Variants in CDHR5 observed in about 807,000 individuals in gnomAD.
The protein encoded by CDHR5 is cadherin related family member 5.
CDHR5 carries 82 observed loss-of-function variants against 69.5 expected under a neutral mutation model. The observed-to-expected ratio is 1.18, with a 90% CI of 0.99 to 1.42. The LOEUF (loss-of-function observed/expected upper bound fraction) is 1.42, where lower values mean the gene tolerates loss of function less well. Among genes scored for constraint, CDHR5 ranks in the 40% most tolerant of loss-of-function variants. CDHR5 has a pLI of 0.00. For missense variants in CDHR5, 1,293 were observed against 1,168.9 expected (o/e 1.11, Z -1.55); for synonymous variants, 601 against 510.2 (o/e 1.18, Z -2.40).
chr11:618,691 T>C lies in CDHR5; in HGVS notation c.1868A>G (p.His623Arg). 6.3e-7 allele frequency: 1 copy of C among 1,588,008 alleles called. No homozygotes were observed. The highest frequency in any genetic ancestry group is 1.4e-5 in the African/African-American group (1 of 71,814). The change falls in exon 13 of 15, where the codon CAC (histidine) becomes CGC (arginine). Residue 623 changes from histidine (H) to arginine (R), a missense_variant. Transcript: ENST00000397542. ...MPPGMGTSTS[H>R]QPTTPGGGTA... ...GCCCCCACCGGGTGTGGTTGGTTGG[T>C]GGGAGGTGCTGGTTCCCATACCGGG... is the stretch of plus-strand genomic sequence containing the variant.
At position 619,357 on chromosome 11, in the gene CDHR5, C is replaced by A; in HGVS notation, c.1327G>T (p.Ala443Ser). ...ACTTGTATCTCAATGACTGTGGTTG[C>A]GGTGCCAGAGGTCACCGTGTTGTGG... ...EAHNTVTSGT[A>S]TTVIEIQVSE... The change falls in exon 12 of 15, where the codon GCA becomes TCA. Residue 443 changes from alanine (A) to serine (S), a missense_variant. Transcript: ENST00000397542. 1 of 1,613,628 alleles carries A rather than the reference C, an allele frequency of 6.2e-7. No homozygotes were observed. The highest frequency in any genetic ancestry group is 8.5e-7 in the Non-Finnish European group (1 of 1,179,762).
chr11:619,978 G>A, intron 9 of CDHR5, 89 bp downstream of exon 9: 2 of 1,388,612 alleles, frequency 1.4e-6, no homozygotes, highest in East Asian at 2.5e-5. Flanking sequence ...CTTGGCGGGG[G>A]CCCTGCCCCG....
At position 617,260 on chromosome 11, in the gene CDHR5, G is replaced by A. The variant is rs556307765; in HGVS notation, c.*91C>T. The A allele has an allele frequency of 6.5e-5, 71 of 1,085,052 alleles. No homozygotes were observed. The highest frequency in any genetic ancestry group is 4.6e-4 in the Middle Eastern group (2 of 4,310). The allele number at this position is 1,085,052 out of a possible 1,614,324, so 67.2% of individuals were successfully genotyped here. ...TGCCCCACGCCATGGCCTGGGTTTC[G>A]GGAGCCTTGCTTTATTCTGCCTCGG... On this transcript the variant is annotated 3_prime_UTR_variant, in exon 15 of 15. Coordinates refer to ENST00000397542, the MANE Select transcript of CDHR5 (RefSeq NM_021924.5).
rs1370761114 is a variant in CDHR5, at chr11:624,495, G to A, written c.261+62C>T. On this transcript the variant is annotated intron_variant, in intron 2 of 14. Transcript: ENST00000397542. The surrounding 1 kb of genome is among the most constrained non-coding windows in gnomAD (Gnocchi z 5.3). ...CTCCTAGGCCCCCAAGGGAGGTGTG[G>A]CCTGAGGATGCAGGTGCCCTTCTCC... The A allele has an allele frequency of 2.0e-6, 3 of 1,520,090 alleles. No individual in the cohort carries two copies. The highest frequency in any genetic ancestry group is 3.3e-5 in the Admixed American group (2 of 59,834). The allele number at this position is 1,520,090 out of a possible 1,614,324, so 94.2% of individuals were successfully genotyped here. A position where few individuals can be genotyped will look rare whatever the true frequency, so the allele number is the denominator to read the frequency against.
At chr11:620,987 C>A in intron 7 of CDHR5, 93 bp downstream of exon 7, 1 of 895,606 alleles carries the variant, frequency 1.1e-6, no homozygotes, top group Non-Finnish European at 1.6e-6. Flanking sequence ...CCCCTGACCC[C>A]GACCCCGCCC....
In CDHR5 at chr11:624,151, CG is replaced by C. The variant is rs2133220018; in HGVS notation, c.312+61del. On this transcript the variant is annotated intron_variant, in intron 3 of 14. Coordinates refer to ENST00000397542, the MANE Select transcript of CDHR5 (RefSeq NM_021924.5). This position sits in a 1 kb window ranked among gnomAD's most constrained non-coding sequence, Gnocchi z 5.3. The stretch of plus-strand genomic sequence containing the variant: ...ACGTCATCAAAGACTGGTCCTGGAC[CG>C]GCAGGGCAGAGCCCAGCAGAGGTGG... The C allele has an allele frequency of 1.5e-6, 1 of 648,980 alleles. No individual in the cohort carries two copies. The highest frequency in any genetic ancestry group is 2.9e-6 in the Non-Finnish European group (1 of 344,386). 40.2% of individuals were successfully genotyped at this position (648,980 alleles called of 1,614,324 possible). A position where few individuals can be genotyped will look rare whatever the true frequency, so the allele number is the denominator to read the frequency against.
intron 3 of CDHR5, among the ~76,000 whole-genome samples, chr11:623,037 G>A (rs118094432): frequency 0.034 from 5,228 of 151,966 alleles, 130 homozygotes; most frequent in Middle Eastern, 0.054. Flanking sequence ...AGCCGGGCAC[G>A]GTGGCTCACA....
chr11:618,451 G>T (rs917988819), intron 13 of CDHR5, 148 bp downstream of exon 13: 2 of 972,944 alleles, frequency 2.1e-6, no homozygotes, highest in South Asian at 1.6e-5. Flanking sequence ...GGGGCCTTGG[G>T]CCTGTCTGTG....
At chr11:620,204 G>A (rs371535303) in intron 8 of CDHR5, 40 bp from the exon 9 acceptor site, 7 of 1,597,846 alleles carry the variant, frequency 4.4e-6, no homozygotes, top group Non-Finnish European at 6.0e-6. Flanking sequence ...GGCCCCCTGA[G>A]GCCCAGGGAC....
rs1857596637 is a variant in CDHR5 at position 624,414 on chromosome 11, C to T, written c.261+143G>A. ...CAGCTTCATCCCGAAATGGCCCAGC[C>T]TTCTAGGGCAGGCACCACCAAGCAT... On this transcript the variant is annotated intron_variant, in intron 2 of 14. Transcript: ENST00000397542. The surrounding 1 kb of genome is among the most constrained non-coding windows in gnomAD (Gnocchi z 5.3). 3.4e-6 allele frequency: 3 copies of T among 894,432 alleles called. No individual in the cohort carries two copies. The highest frequency in any genetic ancestry group is 3.3e-5 in the African/African-American group (2 of 60,740). 55.4% of individuals were successfully genotyped at this position (894,432 alleles called of 1,614,324 possible).
Position 624,360 on chromosome 11 carries a change from G to C in CDHR5, c.262-97C>G. 1 of 735,348 alleles carries C rather than the reference G, an allele frequency of 1.4e-6. No individual in the cohort carries two copies. Among genetic ancestry groups the C allele is most frequent in the Non-Finnish European group, 2.5e-6 (1 of 399,778 alleles). 45.6% of individuals were successfully genotyped at this position (735,348 alleles called of 1,614,324 possible). A position where few individuals can be genotyped will look rare whatever the true frequency, so the allele number is the denominator to read the frequency against. On this transcript the variant is annotated intron_variant, in intron 2 of 14. Transcript: ENST00000397542. The surrounding 1 kb of genome is among the most constrained non-coding windows in gnomAD (Gnocchi z 5.3). ...CGCTGGCCCAGGGTCCCCATCATCA[G>C]TGGTCAGTGCTGAGGGTGTGGGCCC...
chr11:620,212 G>GAC, intron 8 of CDHR5, 48 bp from the exon 9 acceptor site: 11 of 1,590,948 alleles, frequency 6.9e-6, no homozygotes, highest in Non-Finnish European at 9.5e-6. Flanking sequence ...GAGGCCCAGG[G>GAC]ACCCAGCCAG....
chr11:620,357 G>A lies in CDHR5; in HGVS notation c.819C>T (p.Pro273=), dbSNP rs779220413. Reference sequence around the variant, plus strand: ...CGCGGTCTCCGTCCTCAGCGTAGATGGGTCCGGGACGCAGGACGAGGGGAG... The same window carrying A: ...CGCGGTCTCCGTCCTCAGCGTAGATAGGTCCGGGACGCAGGACGAGGGGAG... ...LPSPLVLRPG[P]IYAEDGDRGI... The change falls in exon 8 of 15, where the codon CCC becomes CCT. Residue 273 remains proline (P), a synonymous_variant. Transcript: ENST00000397542. 14 of 1,612,334 alleles carry A rather than the reference G, an allele frequency of 8.7e-6. No homozygotes were observed. The highest frequency in any genetic ancestry group is 8.5e-7 in the Non-Finnish European group (1 of 1,179,050).
rs773980723 is a variant in CDHR5, at chr11:617,489, C to T, written c.2400G>A (p.Glu800=). The change falls in exon 15 of 15, where the codon GAG becomes GAA. Residue 800 remains glutamate (E), a synonymous_variant. Coordinates refer to ENST00000397542, the MANE Select transcript of CDHR5 (RefSeq NM_021924.5). ...AVWFGEDIGT[E]ADVVVLNAPT... ...GCGCGTTGAGAACGACCACGTCTGC[C>T]TCCGTCCCGATGTCCTCGCCAAACC... 12 of 1,612,640 alleles carry T rather than the reference C, an allele frequency of 7.4e-6. No individual in the cohort carries two copies. The highest frequency in any genetic ancestry group is 5.0e-5 in the Admixed American group (3 of 60,008).
chr11:619,172 G>C lies in CDHR5; in HGVS notation c.1387C>G (p.Pro463Ala), dbSNP rs1857195666. 1.3e-6 allele frequency: 2 copies of C among 1,543,102 alleles called. No individual in the cohort carries two copies. The highest frequency in any genetic ancestry group is 1.4e-5 in the African/African-American group (1 of 72,690). Residue 463 changes from proline to alanine, a missense_variant, in exon 13 of 15, where the codon CCA becomes GCA. Pro to Ala is a conservative substitution (Grantham distance 27). Transcript: ENST00000397542. ...GTTGTTCCTCCAGCCTCTGGGGATG[G>C]GGGGACATCTGGGGGCCGGGAACAG... Reference protein sequence around the residue: ...EQEPPSTDVPPSPEAGGTTGP... With the variant: ...EQEPPSTDVPASPEAGGTTGP...
rs758544115 is a variant in CDHR5 at position 621,115 on chromosome 11, G to A, written c.754C>T (p.Gln252Ter). 2 of 1,577,628 alleles carry A rather than the reference G, an allele frequency of 1.3e-6. No homozygotes were observed. Among genetic ancestry groups the A allele is most frequent in the Admixed American group, 1.8e-5 (1 of 55,598 alleles). ...CCCGTGGGGACAGCCCCGTGGTACTGAGCTTGAATGCAGACGTAGCCATCT... is the reference window on the plus strand; with the variant it reads ...CCCGTGGGGACAGCCCCGTGGTACTAAGCTTGAATGCAGACGTAGCCATCT... ...FSDGYVCIQA[Q>*]YHGAVPTGHI... Residue 252 changes from glutamine (Q) to a stop codon, truncating the protein, a stop_gained, in exon 7 of 15, where the codon CAG (glutamine) becomes TAG (stop). Coordinates refer to ENST00000397542, the MANE Select transcript of CDHR5 (RefSeq NM_021924.5). LOFTEE classifies it high-confidence loss of function. This position sits in a 1 kb window ranked among gnomAD's most constrained non-coding sequence, Gnocchi z 4.4.
At position 617,647 on chromosome 11, in the gene CDHR5, C is replaced by T. The variant is rs777311849; in HGVS notation, c.2242G>A (p.Ala748Thr). The T allele has an allele frequency of 9.1e-6, 14 of 1,537,014 alleles. No homozygotes were observed. Among genetic ancestry groups the T allele is most frequent in the South Asian group, 4.8e-5 (4 of 83,112 alleles). Residue 748 changes from alanine (A) to threonine (T), a missense_variant, in exon 15 of 15, where the codon GCA becomes ACA. Coordinates refer to ENST00000397542, the MANE Select transcript of CDHR5 (RefSeq NM_021924.5). ...CCTGGGGAGGCAGGGCCGGGGGGTG[C>T]GGGCTCTGCGGGCATCGGTGCCTCC... ...PAEAPMPAEP[A>T]PPGPASPGGA...
Position 620,070 on chromosome 11 carries a change from C to T in CDHR5, c.975G>A (p.Val325=). ...CCCATGCAGGTGCCCACCTCACCTT[C>T]ACCAGCAGAAGGAAGGTCATGGGGC... ...VPSPMTFLLL[V]KGQQADLARY... Residue 325 remains valine (V), a synonymous_variant, in exon 9 of 15, where the codon GTG becomes GTA. Coordinates refer to ENST00000397542, the MANE Select transcript of CDHR5 (RefSeq NM_021924.5). 1 of 1,609,500 alleles carries T rather than the reference C, an allele frequency of 6.2e-7. No individual in the cohort carries two copies. Among genetic ancestry groups the T allele is most frequent in the Non-Finnish European group, 8.5e-7 (1 of 1,177,902 alleles).
rs999563019 is a variant in CDHR5 at position 621,509 on chromosome 11, T to C, written c.507+53A>G. On this transcript the variant is annotated intron_variant, in intron 5 of 14. Coordinates refer to ENST00000397542, the MANE Select transcript of CDHR5 (RefSeq NM_021924.5). This position sits in a 1 kb window ranked among gnomAD's most constrained non-coding sequence, Gnocchi z 4.4. ...AAGAGCCTTGGAGGGCGAGGGCGGC[T>C]GTGGGTGTCAGAGGCGAGGGGCTCG... The C allele has an allele frequency of 6.3e-7, 1 of 1,593,110 alleles. No individual in the cohort carries two copies. The highest frequency in any genetic ancestry group is 8.6e-7 in the Non-Finnish European group (1 of 1,161,346).
Sources: allele counts gnomAD v4.1 joint callset (sites outside exome capture counted in the v4.1 genomes callset), GRCh38; gene constraint gnomAD v4.1.1; non-coding constraint Gnocchi (gnomAD v3.1); transcripts MANE v1.5; gene names NCBI Gene and HGNC (gene_info 2026-07-23, HGNC 2026-07-21).